The following LSM12 variants were observed in gnomAD, a reference collection of about 807,000 sequenced individuals.
LSM12 encodes protein LSM12.
For synonymous variants in LSM12, 74 were observed against 87.3 expected (o/e 0.85, Z 0.85); for missense variants, 108 against 238.9 (o/e 0.45, Z 3.61).
chr17:44,059,060 G>C (rs2049760236), intron 2 of LSM12, among the ~76,000 whole-genome samples: 1 of 152,132 alleles, frequency 6.6e-6, no homozygotes, highest in South Asian at 2.1e-4. Flanking sequence ...CAGCTACTCA[G>C]GAAGCTTGGG....
chr17:44,039,985 G>GGGGCTA (rs1156228599), intron 3 of LSM12, among the ~76,000 whole-genome samples, 162 bp downstream of exon 3: 3 of 152,160 alleles, frequency 2.0e-5, no homozygotes, highest in Non-Finnish European at 4.4e-5. Flanking sequence ...GTGTGGAAAG[G>GGGGCTA]GGGCTACAGC....
intron 1 of LSM12, among the ~76,000 whole-genome samples, chr17:44,065,796 G>A (rs2049865388): frequency 1.3e-5 from 2 of 151,966 alleles, no homozygotes; most frequent in Admixed American, 6.6e-5. Flanking sequence ...TCTGGAACAG[G>A]TTTCCAGTGC....
chr17:44,049,413 G>A (rs957723411), intron 2 of LSM12, among the ~76,000 whole-genome samples: 7 of 152,104 alleles, frequency 4.6e-5, no homozygotes, highest in Non-Finnish European at 1.0e-4. Context: ...GAGTAGCTGA[G>A]ACTATAGGTG....
chr17:44,054,117 A>G (rs928993513), intron 2 of LSM12, among the ~76,000 whole-genome samples: 15 of 152,158 alleles, frequency 9.9e-5, no homozygotes, highest in Non-Finnish European at 4.4e-5. Context: ...TCCATGTCCT[A>G]TAAGGCCAAG....
Position 44,041,275 on chromosome 17 carries a change from A to T in LSM12, c.259-1019T>A, listed in dbSNP as rs1179325032. 8.5e-4 allele frequency among the ~76,000 whole-genome samples: 11 copies of T among 12,922 alleles called. No homozygotes were observed. In the South Asian group the frequency reaches 0.054, roughly 63 times the overall value. 8.5% of individuals were successfully genotyped at this position (12,922 alleles called of 152,430 possible). ...AAAGAAGTGAGACTCTGTCTCTTTA[A>T]AAAAAAAAAAAACAAACACACACAC... On this transcript the variant is annotated intron_variant, in intron 2 of 4. Coordinates refer to ENST00000293406, the MANE Select transcript of LSM12 (RefSeq NM_001371445.1).
chr17:44,051,093 G>A (rs1452201424), intron 2 of LSM12, among the ~76,000 whole-genome samples: 1 of 151,886 alleles, frequency 6.6e-6, no homozygotes, highest in Non-Finnish European at 1.5e-5. Flanking sequence ...CCAACATAGT[G>A]AAACCCCCTC....
chr17:44,041,883 A>T (rs1035072872), intron 2 of LSM12, among the ~76,000 whole-genome samples: 1 of 152,256 alleles, frequency 6.6e-6, no homozygotes, highest in Non-Finnish European at 1.5e-5. Context: ...AATAATCTGG[A>T]GACTCTTCAG....
rs569463245 is a variant in LSM12, at chr17:44,058,050, C to T, written c.258+5751G>A. ...AGGAGATTGAGACCATCCTAGCTAACACGGGGAAACCCTGTCTCTACTAAA... is the reference window on the plus strand; with the variant it reads ...AGGAGATTGAGACCATCCTAGCTAATACGGGGAAACCCTGTCTCTACTAAA... On this transcript the variant is annotated intron_variant, in intron 2 of 4. Coordinates refer to ENST00000293406, the MANE Select transcript of LSM12 (RefSeq NM_001371445.1). Among the ~76,000 whole-genome samples, 3 of 151,850 alleles carry T rather than the reference C, an allele frequency of 2.0e-5. No homozygotes were observed. In the South Asian group the frequency reaches 6.2e-4, roughly 32 times the overall value.
intron 2 of LSM12, among the ~76,000 whole-genome samples, chr17:44,048,810 T>C (rs1250169493): frequency 2.0e-5 from 3 of 152,194 alleles, no homozygotes; most frequent in African/African-American, 7.2e-5. Context: ...AACCAGTGTT[T>C]CCTCCTGTGC....
chr17:44,035,707 A>G lies in LSM12; in HGVS notation c.*501T>C, dbSNP rs1213724294. ...AAAAAAAAAAAAAGAAAAAAGAAAA[A>G]AAAAGGAAAAGAAAACAAAAATTTA... is the stretch of plus-strand genomic sequence containing the variant. On this transcript the variant is annotated 3_prime_UTR_variant, in exon 5 of 5. Coordinates refer to ENST00000293406, the MANE Select transcript of LSM12 (RefSeq NM_001371445.1). 6.7e-6 allele frequency: 1 copy of G among 148,740 alleles called. No individual in the cohort carries two copies. The highest frequency in any genetic ancestry group is 2.5e-5 in the African/African-American group (1 of 40,716). The allele number at this position is 148,740 out of a possible 1,614,324, so 9.2% of individuals were successfully genotyped here. A position where few individuals can be genotyped will look rare whatever the true frequency, so the allele number is the denominator to read the frequency against.
At chr17:44,065,311 C>T (rs2049857264) in intron 1 of LSM12, among the ~76,000 whole-genome samples, 1 of 148,940 alleles carries the variant, frequency 6.7e-6, no homozygotes, top group Non-Finnish European at 1.5e-5. Flanking sequence ...CGTGGTGGCG[C>T]GTGCCCGTAA....
rs1019443920 is a variant in LSM12 at position 44,045,593 on chromosome 17, C to T, written c.259-5337G>A. Among the ~76,000 whole-genome samples the T allele has an allele frequency of 5.7e-4, 87 of 152,182 alleles. 1 individual carries two copies. The highest frequency in any genetic ancestry group is 2.0e-3 in the African/African-American group (84 of 41,512). ...GTTTTGTTTTTTGTGTTTTCTGAAACAGAGTCTCACTCTATCACCCAGGCT... is the reference window on the plus strand; with the variant it reads ...GTTTTGTTTTTTGTGTTTTCTGAAATAGAGTCTCACTCTATCACCCAGGCT... On this transcript the variant is annotated intron_variant, in intron 2 of 4. Transcript: ENST00000293406.
At chr17:44,048,822 C>T (rs546826677) in intron 2 of LSM12, among the ~76,000 whole-genome samples, 11 of 152,182 alleles carry the variant, frequency 7.2e-5, no homozygotes, top group African/African-American at 2.4e-4. Context: ...CTCCTGTGCC[C>T]GTTTTATATA....
In LSM12 at chr17:44,036,219, G is replaced by C. The variant is rs745836219; in HGVS notation, c.577C>G (p.Leu193Val). Residue 193 changes from leucine to valine, a missense_variant, in exon 5 of 5, where the codon CTG becomes GTG. Transcript: ENST00000293406. ...QAQQPQKEAA[L>V]SS Reference sequence around the variant, plus strand: ...CCATGTGTACGGACTCAGGATGACAGGGCAGCCTCCTTCTGTGGTTGCTGG... The same window carrying C: ...CCATGTGTACGGACTCAGGATGACACGGCAGCCTCCTTCTGTGGTTGCTGG... 6.2e-7 allele frequency: 1 copy of C among 1,612,590 alleles called. No homozygotes were observed. Among genetic ancestry groups the C allele is most frequent in the East Asian group, 2.2e-5 (1 of 44,850 alleles).
intron 1 of LSM12, among the ~76,000 whole-genome samples, chr17:44,064,814 G>A (rs2049848281): frequency 6.6e-6 from 1 of 151,850 alleles, no homozygotes; most frequent in Admixed American, 6.6e-5. Context: ...ATTTCTTCCA[G>A]GTGTAACCTC....
chr17:44,050,544 G>A (rs868641169), intron 2 of LSM12, among the ~76,000 whole-genome samples: 2 of 142,936 alleles, frequency 1.4e-5, no homozygotes, highest in South Asian at 2.2e-4. Context: ...ATGGAGTCTC[G>A]CTCTGTTGCC....
intron 2 of LSM12, among the ~76,000 whole-genome samples, chr17:44,053,163 G>A (rs1016387518): frequency 6.6e-6 from 1 of 151,998 alleles, no homozygotes; most frequent in Admixed American, 6.6e-5. Flanking sequence ...TCCCTAAAAT[G>A]CTCACTACTC....
At chr17:44,042,165 T>C (rs2144075162) in intron 2 of LSM12, among the ~76,000 whole-genome samples, 1 of 152,062 alleles carries the variant, frequency 6.6e-6, no homozygotes. Context: ...TGTGCACCTG[T>C]AATCCCGCCT....
intron 1 of LSM12, among the ~76,000 whole-genome samples, chr17:44,066,016 C>A (rs1190974764): frequency 6.6e-6 from 1 of 152,110 alleles, no homozygotes; most frequent in African/African-American, 2.4e-5. Context: ...CCCATCAGTG[C>A]ACATGCCCTC....
Sources: allele counts gnomAD v4.1 joint callset (sites outside exome capture counted in the v4.1 genomes callset), GRCh38; gene constraint gnomAD v4.1.1; transcripts MANE v1.5; gene names NCBI Gene and HGNC (gene_info 2026-07-23, HGNC 2026-07-21).